ARHGAP10: variants seen among roughly 807,000 people sequenced by gnomAD.
ARHGAP10 encodes the protein Rho GTPase activating protein 10, also known as rho GTPase-activating protein 10.
ARHGAP10 carries 87 observed loss-of-function variants against 108.6 expected under a neutral mutation model. That is an observed-to-expected ratio of 0.80 (90% CI 0.67 to 0.96). The LOEUF is 0.96. Ranked by LOEUF, ARHGAP10 falls within the 40% of genes least tolerant of loss-of-function variation. The pLI is 0.00. For missense variants in ARHGAP10, 939 were observed against 954.5 expected (o/e 0.98, Z 0.21); for synonymous variants, 347 against 341.1 (o/e 1.02, Z -0.19).
chr4:148,011,212 A>G (rs1741159237), intron 18 of ARHGAP10, among the ~76,000 whole-genome samples: 1 of 152,250 alleles, frequency 6.6e-6, no homozygotes, highest in African/African-American at 2.4e-5. Flanking sequence ...TTATCAGAGC[A>G]TAGCACATCA....
chr4:147,752,266 A>T (rs1414580362), intron 1 of ARHGAP10, among the ~76,000 whole-genome samples: 1 of 152,164 alleles, frequency 6.6e-6, no homozygotes, highest in Non-Finnish European at 1.5e-5. Flanking sequence ...TATCTTGTGT[A>T]AAGTCGTGGG....
At chr4:147,907,747 G>A (rs1409252725) in intron 11 of ARHGAP10, among the ~76,000 whole-genome samples, 3 of 152,170 alleles carry the variant, frequency 2.0e-5, no homozygotes, top group East Asian at 1.9e-4. Context: ...ATTGGGGAAT[G>A]TATCACTCTT....
At chr4:147,923,567 G>A (rs556790891) in intron 13 of ARHGAP10, among the ~76,000 whole-genome samples, 3 of 152,050 alleles carry the variant, frequency 2.0e-5, no homozygotes, top group African/African-American at 4.8e-5. Flanking sequence ...TTAAAATGTC[G>A]ATCTAGGCAA....
chr4:148,044,092 T>G (rs376054678), intron 19 of ARHGAP10, among the ~76,000 whole-genome samples: 1 of 152,068 alleles, frequency 6.6e-6, no homozygotes, highest in South Asian at 2.1e-4. Context: ...ACCAATGTTA[T>G]TTTCACTTGA....
At chr4:147,768,253 C>T (rs1729912687) in intron 1 of ARHGAP10, among the ~76,000 whole-genome samples, 1 of 152,186 alleles carries the variant, frequency 6.6e-6, no homozygotes, top group Admixed American at 6.5e-5. Context: ...CTGCTCCCCA[C>T]TACTATTGCC....
chr4:147,972,529 A>C (rs1739449804), intron 18 of ARHGAP10, among the ~76,000 whole-genome samples: 1 of 152,144 alleles, frequency 6.6e-6, no homozygotes, highest in Non-Finnish European at 1.5e-5. Flanking sequence ...GCTTTTCATC[A>C]CTAGGAGAAG....
intron 1 of ARHGAP10, among the ~76,000 whole-genome samples, chr4:147,772,319 T>C (rs1730115576): frequency 6.6e-6 from 1 of 152,240 alleles, no homozygotes; most frequent in African/African-American, 2.4e-5. Flanking sequence ...TATCTGCCAG[T>C]TGACACTTTA....
chr4:147,788,147 T>A (rs549588780), intron 1 of ARHGAP10, among the ~76,000 whole-genome samples: 181 of 152,166 alleles, frequency 1.2e-3, no homozygotes, highest in African/African-American at 3.8e-3. Context: ...TTTTTTTTTT[T>A]AAAAAGCGTT....
At chr4:147,837,882 T>G (rs901151526) in intron 3 of ARHGAP10, among the ~76,000 whole-genome samples, 3 of 152,038 alleles carry the variant, frequency 2.0e-5, no homozygotes, top group African/African-American at 7.2e-5. Flanking sequence ...TGTGCCTGAT[T>G]GTAAGACAAC....
chr4:147,975,949 A>AT (rs1008500303), intron 18 of ARHGAP10, among the ~76,000 whole-genome samples: 18 of 152,342 alleles, frequency 1.2e-4, no homozygotes, highest in African/African-American at 4.3e-4. Flanking sequence ...AGTAGAATGC[A>AT]TTGGTGCTCC....
intron 10 of ARHGAP10, among the ~76,000 whole-genome samples, chr4:147,883,091 C>A (rs1470126549): frequency 6.6e-6 from 1 of 152,132 alleles, no homozygotes. Flanking sequence ...ATTAGTGGTT[C>A]ACTTTGTAAT....
chr4:147,891,004 T>C (rs1735776492), intron 10 of ARHGAP10, among the ~76,000 whole-genome samples: 1 of 152,146 alleles, frequency 6.6e-6, no homozygotes, highest in Non-Finnish European at 1.5e-5. Context: ...TGTAGAGAAA[T>C]TGAAAATCCT....
chr4:148,050,408 C>G (rs1729082276), intron 20 of ARHGAP10, among the ~76,000 whole-genome samples: 1 of 113,878 alleles, frequency 8.8e-6, no homozygotes, highest in Non-Finnish European at 1.6e-5. Context: ...TAGTCTCGCT[C>G]TGTTGCCCAG....
chr4:148,005,415 C>A (rs1740907761), intron 18 of ARHGAP10, among the ~76,000 whole-genome samples: 1 of 151,932 alleles, frequency 6.6e-6, no homozygotes, highest in Non-Finnish European at 1.5e-5. Context: ...GAGACCCCAT[C>A]TCTATTTAAA....
chr4:148,064,634 T>A, intron 22 of ARHGAP10, 127 bp downstream of exon 22: 2 of 752,880 alleles, frequency 2.7e-6, no homozygotes, highest in Non-Finnish European at 2.1e-6. Context: ...TGCTTTGGAC[T>A]GGATTAAGCG....
intron 1 of ARHGAP10, among the ~76,000 whole-genome samples, chr4:147,778,950 T>C (rs781691569): frequency 1.3e-5 from 2 of 152,202 alleles, no homozygotes; most frequent in African/African-American, 2.4e-5. Context: ...GAAGCTGTCC[T>C]GTGAACTAAG....
At chr4:147,741,367 C>T (rs956125842) in intron 1 of ARHGAP10, among the ~76,000 whole-genome samples, 1 of 152,116 alleles carries the variant, frequency 6.6e-6, no homozygotes, top group Non-Finnish European at 1.5e-5. Flanking sequence ...TAAGCCAGTT[C>T]ATGTCTCAGG....
chr4:147,866,684 T>G lies in ARHGAP10; in HGVS notation c.598-28T>G, dbSNP rs766467670. 15 of 1,539,564 alleles carry G rather than the reference T, an allele frequency of 9.7e-6. No homozygotes were observed. In the South Asian group the frequency reaches 1.5e-4, roughly 16 times the overall value. ...TTTTTTCTCCTGAGTTTTTTTGTGC[T>G]AATATCTCTTTTCTTCCTGTGTCTT... On this transcript the variant is annotated intron_variant, in intron 6 of 22. Transcript: ENST00000336498.
intron 1 of ARHGAP10, among the ~76,000 whole-genome samples, chr4:147,776,324 A>G (rs904041343): frequency 1.3e-5 from 2 of 152,100 alleles, no homozygotes; most frequent in Non-Finnish European, 2.9e-5. Flanking sequence ...GGTTCAAGCA[A>G]TTCTCCTGCC....
Sources: gnomAD v4.1 joint callset for allele counts (sites outside exome capture counted in the v4.1 genomes callset) on GRCh38, gnomAD v4.1.1 for gene constraint, MANE v1.5 for transcripts, NCBI Gene and HGNC (gene_info 2026-07-23, HGNC 2026-07-21) for gene names.